TMTC1: variants seen among roughly 807,000 people sequenced by gnomAD.
The protein encoded by TMTC1 is protein O-mannosyl-transferase TMTC1.
In TMTC1, 73 loss-of-function variants were observed where a neutral mutation model predicts 104.8. That is an observed-to-expected ratio of 0.70 (90% CI 0.58 to 0.85). The LOEUF (loss-of-function observed/expected upper bound fraction) is 0.85, where lower values mean the gene tolerates loss of function less well. TMTC1 is among the 40% of genes least tolerant of loss of function. The pLI is 0.00. For missense variants in TMTC1, 1,035 were observed against 1,096.1 expected, an observed-to-expected ratio of 0.94 and a Z score of 0.79; for synonymous variants, 434 against 428.7, an observed-to-expected ratio of 1.01 and a Z score of -0.15.
chr12:29,753,339 T>C (rs1203119940), intron 4 of TMTC1, among the ~76,000 whole-genome samples: 2 of 152,108 alleles, frequency 1.3e-5, no homozygotes, highest in African/African-American at 4.8e-5. Context: ...TGTGTAACTG[T>C]CATGGTGCCT....
chr12:29,573,413 A>G (rs1209521504), intron 8 of TMTC1, among the ~76,000 whole-genome samples: 1 of 152,222 alleles, frequency 6.6e-6, no homozygotes, highest in Non-Finnish European at 1.5e-5. Context: ...GTTGTTTATC[A>G]TCTACATAGT....
At chr12:29,585,824 C>T (rs147498625) in intron 7 of TMTC1, among the ~76,000 whole-genome samples, 6,448 of 152,212 alleles carry the variant, frequency 0.042, 464 homozygotes, top group African/African-American at 0.15. Flanking sequence ...CAGTACAATG[C>T]TGTTTTGGTT....
intron 7 of TMTC1, among the ~76,000 whole-genome samples, chr12:29,590,089 T>C (rs1158672595): frequency 4.0e-5 from 6 of 151,576 alleles, no homozygotes; most frequent in Non-Finnish European, 5.9e-5. Flanking sequence ...AAAACAGCCA[T>C]CCACACCATG....
At chr12:29,671,516 T>C (rs1344321147) in intron 5 of TMTC1, among the ~76,000 whole-genome samples, 2 of 152,176 alleles carry the variant, frequency 1.3e-5, no homozygotes, top group Non-Finnish European at 1.5e-5. Flanking sequence ...ATTGAGTGCA[T>C]ACTGTGCGAC....
chr12:29,702,953 C>A (rs188701982), intron 5 of TMTC1, among the ~76,000 whole-genome samples: 1 of 151,854 alleles, frequency 6.6e-6, no homozygotes, highest in Admixed American at 6.6e-5. Context: ...AAGACCAGAC[C>A]GGGCAACATG....
chr12:29,746,549 C>T (rs1377024576), intron 5 of TMTC1, among the ~76,000 whole-genome samples: 1 of 152,134 alleles, frequency 6.6e-6, no homozygotes, highest in African/African-American at 2.4e-5. Flanking sequence ...CACAGCATTT[C>T]TTACTTTGGG....
chr12:29,640,957 G>C (rs1024742247), intron 5 of TMTC1: 3 of 152,332 alleles, frequency 2.0e-5, no homozygotes, highest in Admixed American at 1.3e-4. Flanking sequence ...GGTGAGGCCT[G>C]TGACTGCCGG....
intron 9 of TMTC1, among the ~76,000 whole-genome samples, chr12:29,571,762 A>G (rs1945685051): frequency 6.6e-6 from 1 of 152,188 alleles, no homozygotes; most frequent in African/African-American, 2.4e-5. Context: ...TACCATTAAA[A>G]TTCATTGCAA....
chr12:29,651,871 C>T lies in TMTC1; in HGVS notation c.939-18535G>A, dbSNP rs187457314. Among the ~76,000 whole-genome samples, 43 of 150,372 alleles carry T rather than the reference C, an allele frequency of 2.9e-4. No individual in the cohort carries two copies. The East Asian group carries it at 6.8e-3, about 24-fold the overall frequency. ...AGAACAAAAAAGGAGAGAGGTAGGG[C>T]TAAGCAAATAACTGAAGCAAAAAAC... On this transcript the variant is annotated intron_variant, in intron 5 of 17. Transcript: ENST00000539277.
chr12:29,609,501 A>C (rs901765860), intron 6 of TMTC1, among the ~76,000 whole-genome samples: 2 of 152,212 alleles, frequency 1.3e-5, no homozygotes, highest in African/African-American at 2.4e-5. Context: ...TATCTACAGG[A>C]AATGTTAACT....
intron 10 of TMTC1, among the ~76,000 whole-genome samples, chr12:29,538,714 A>G (rs1944712946): frequency 6.6e-6 from 1 of 152,234 alleles, no homozygotes; most frequent in Non-Finnish European, 1.5e-5. Context: ...GACACGATGG[A>G]AAGATTATCA....
intron 5 of TMTC1, among the ~76,000 whole-genome samples, chr12:29,670,377 T>A (rs959478610): frequency 7.9e-5 from 12 of 152,162 alleles, no homozygotes; most frequent in Non-Finnish European, 1.6e-4. Context: ...CACATTCCTG[T>A]CAGACGGGCA....
At chr12:29,668,267 C>T (rs1940360849) in intron 5 of TMTC1, among the ~76,000 whole-genome samples, 2 of 152,136 alleles carry the variant, frequency 1.3e-5, no homozygotes, top group Admixed American at 6.5e-5. Context: ...TGAAGGCCTT[C>T]TTGCTGCATC....
In TMTC1 at chr12:29,695,793, T is replaced by TTATATATATATATATATATATA. The variant is rs113135039; in HGVS notation, c.938+55851_938+55872dup. On this transcript the variant is annotated intron_variant, in intron 5 of 17. Transcript: ENST00000539277. ...TCACAAATTTTAAACTACTTCCTTTTTATATATATATATATATATATATAT... is the reference window on the plus strand; with the variant it reads ...TCACAAATTTTAAACTACTTCCTTTTTATATATATATATATATATATATATATATATATATATATATATATAT... Among the ~76,000 whole-genome samples the TTATATATATATATATATATATA allele has an allele frequency of 5.6e-3, 466 of 83,526 alleles. 20 individuals carry two copies. The highest frequency in any genetic ancestry group is 9.4e-3 in the Non-Finnish European group (349 of 37,006). 54.8% of individuals were successfully genotyped at this position (83,526 alleles called of 152,430 possible).
intron 5 of TMTC1, among the ~76,000 whole-genome samples, chr12:29,750,877 C>A (rs1943073508): frequency 6.6e-6 from 1 of 152,212 alleles, no homozygotes. Context: ...CATAGGGCTA[C>A]TACTCCCCTT....
intron 5 of TMTC1, among the ~76,000 whole-genome samples, chr12:29,680,710 A>T (rs1940885549): frequency 6.6e-6 from 1 of 152,196 alleles, no homozygotes. Context: ...TATGTCTCTT[A>T]TGTGAACACT....
chr12:29,571,296 G>A (rs2136297890), intron 9 of TMTC1, among the ~76,000 whole-genome samples: 1 of 152,132 alleles, frequency 6.6e-6, no homozygotes, highest in South Asian at 2.1e-4. Flanking sequence ...ATGTGTTGAA[G>A]GTTAAGTACA....
intron 4 of TMTC1, among the ~76,000 whole-genome samples, chr12:29,754,679 G>A (rs946183205): frequency 2.0e-5 from 3 of 152,162 alleles, no homozygotes; most frequent in Non-Finnish European, 2.9e-5. Context: ...TTCTTGGCAC[G>A]AGTTTGGGTC....
chr12:29,580,301 A>G (rs2136321736), intron 8 of TMTC1, among the ~76,000 whole-genome samples: 1 of 152,324 alleles, frequency 6.6e-6, no homozygotes. Context: ...CCTGGGTGAC[A>G]GAGTGAGACT....
Sources: gnomAD v4.1 joint callset for allele counts (sites outside exome capture counted in the v4.1 genomes callset) on GRCh38, gnomAD v4.1.1 for gene constraint, MANE v1.5 for transcripts, NCBI Gene and HGNC (gene_info 2026-07-23, HGNC 2026-07-21) for gene names.